WWOX: variants seen among roughly 807,000 people sequenced by gnomAD.
WWOX encodes WW domain containing oxidoreductase, also known as WW domain-containing oxidoreductase.
In WWOX, 69 loss-of-function variants were observed where a neutral mutation model predicts 46.2. The observed-to-expected ratio is 1.49, with a 90% CI of 1.23 to 1.82. The LOEUF is 1.82. WWOX is among the 40% of genes most tolerant of loss of function. WWOX has a pLI of 0.00. For synonymous variants in WWOX, 359 were observed against 202.6 expected, an observed-to-expected ratio of 1.77 and a Z score of -6.56; for missense variants, 919 against 542.6, an observed-to-expected ratio of 1.69 and a Z score of -6.89.
intron 6 of WWOX, among the ~76,000 whole-genome samples, chr16:78,413,582 A>G (rs188837789): frequency 1.3e-3 from 193 of 152,186 alleles, no homozygotes; most frequent in African/African-American, 4.5e-3. Flanking sequence ...CAATGGGGGA[A>G]TGTCATCAGT....
intron 8 of WWOX, among the ~76,000 whole-genome samples, chr16:78,447,993 A>T (rs1005818768): frequency 1.3e-5 from 2 of 152,082 alleles, no homozygotes; most frequent in African/African-American, 4.8e-5. Flanking sequence ...TAGTGGAGAC[A>T]GGGTTTCACC....
At chr16:78,718,450 T>A (rs2048618831) in intron 8 of WWOX, among the ~76,000 whole-genome samples, 1 of 152,220 alleles carries the variant, frequency 6.6e-6, no homozygotes, top group African/African-American at 2.4e-5. Context: ...CCAAACTTTA[T>A]AACTGAATAG....
At chr16:79,198,422 G>A (rs747572704) in intron 8 of WWOX, among the ~76,000 whole-genome samples, 1 of 152,154 alleles carries the variant, frequency 6.6e-6, no homozygotes, top group African/African-American at 2.4e-5. Flanking sequence ...CTCCTTCATG[G>A]GTATGGCTGC....
chr16:78,649,705 GT>G (rs779374926), intron 8 of WWOX, among the ~76,000 whole-genome samples: 3 of 152,176 alleles, frequency 2.0e-5, no homozygotes, highest in Non-Finnish European at 2.9e-5. Flanking sequence ...ATTTGTTACT[GT>G]TGTTATGTTA....
chr16:78,955,156 G>A (rs913618296), intron 8 of WWOX, among the ~76,000 whole-genome samples: 1 of 151,652 alleles, frequency 6.6e-6, no homozygotes, highest in Non-Finnish European at 1.5e-5. Context: ...AAACTTTGCT[G>A]TTAGGGTCAC....
chr16:79,010,154 A>C (rs924558885), intron 8 of WWOX, among the ~76,000 whole-genome samples: 3 of 151,960 alleles, frequency 2.0e-5, no homozygotes, highest in African/African-American at 7.2e-5. Context: ...AAAATAATCC[A>C]CCCATGAAAC....
chr16:78,765,534 C>G (rs1301899264), intron 8 of WWOX, among the ~76,000 whole-genome samples: 4 of 152,040 alleles, frequency 2.6e-5, no homozygotes, highest in Non-Finnish European at 5.9e-5. Flanking sequence ...CAAAAATTAG[C>G]CAGGTGTGAT....
At chr16:78,324,917 G>A (rs1316432547) in intron 5 of WWOX, among the ~76,000 whole-genome samples, 1 of 152,150 alleles carries the variant, frequency 6.6e-6, no homozygotes, top group Non-Finnish European at 1.5e-5. Flanking sequence ...TGAATCGTAT[G>A]GTATGTCAAT....
At chr16:78,461,285 C>A (rs769674080) in intron 8 of WWOX, among the ~76,000 whole-genome samples, 1 of 152,176 alleles carries the variant, frequency 6.6e-6, no homozygotes, top group African/African-American at 2.4e-5. Context: ...TCCCAGCATT[C>A]TGAGTCATCG....
chr16:79,013,245 C>A (rs1019752721), intron 8 of WWOX, among the ~76,000 whole-genome samples: 2 of 152,094 alleles, frequency 1.3e-5, no homozygotes, highest in Non-Finnish European at 2.9e-5. Context: ...CCCACAGGGT[C>A]GAGAGTGAAT....
intron 8 of WWOX, among the ~76,000 whole-genome samples, chr16:78,638,322 T>G (rs182376414): frequency 6.6e-6 from 1 of 152,306 alleles, no homozygotes; most frequent in East Asian, 1.9e-4. Context: ...GAGTCTGTGT[T>G]TGTTCTTTAA....
chr16:78,543,954 A>G (rs2043961224), intron 8 of WWOX, among the ~76,000 whole-genome samples: 1 of 152,166 alleles, frequency 6.6e-6, no homozygotes, highest in Non-Finnish European at 1.5e-5. Flanking sequence ...TCAAAAAAAG[A>G]GGTTATGATT....
At chr16:79,058,743 G>A (rs772693550) in intron 8 of WWOX, among the ~76,000 whole-genome samples, 7 of 152,168 alleles carry the variant, frequency 4.6e-5, no homozygotes, top group Admixed American at 3.9e-4. Context: ...TCCTGGCAAT[G>A]TTTACGATAT....
chr16:78,253,862 G>A (rs753206480), intron 5 of WWOX, among the ~76,000 whole-genome samples: 31 of 152,076 alleles, frequency 2.0e-4, no homozygotes, highest in Non-Finnish European at 3.4e-4. Context: ...GTAAGCTTAC[G>A]TACATGCTTT....
chr16:78,113,421 C>T (rs923277127), intron 3 of WWOX, among the ~76,000 whole-genome samples: 3 of 152,196 alleles, frequency 2.0e-5, no homozygotes, highest in East Asian at 1.9e-4. Context: ...AGCAGCTATA[C>T]ACAATATACA....
intron 8 of WWOX, among the ~76,000 whole-genome samples, chr16:78,837,000 C>T (rs576578263): frequency 9.2e-5 from 14 of 152,212 alleles, no homozygotes; most frequent in Non-Finnish European, 1.9e-4. Context: ...TTCTCTAGAA[C>T]ATAGAAGCCG....
At chr16:78,452,476 T>TC (rs555707119) in intron 8 of WWOX, among the ~76,000 whole-genome samples, 2 of 90,184 alleles carry the variant, frequency 2.2e-5, no homozygotes, top group Admixed American at 1.0e-4. Context: ...TCTCTCTCTC[T>TC]TTTTTTTTTT....
intron 8 of WWOX, among the ~76,000 whole-genome samples, chr16:79,137,421 C>T (rs943436753): frequency 6.6e-6 from 1 of 152,132 alleles, no homozygotes; most frequent in Non-Finnish European, 1.5e-5. Context: ...GAGATGTAAG[C>T]ATTTAGAGAC....
intron 5 of WWOX, among the ~76,000 whole-genome samples, chr16:78,385,440 C>G (rs1043267394): frequency 6.6e-6 from 1 of 152,168 alleles, no homozygotes; most frequent in Non-Finnish European, 1.5e-5. Context: ...CGTTACAAAC[C>G]TATGAGTAGA....
Sources: gnomAD v4.1 joint callset for allele counts (sites outside exome capture counted in the v4.1 genomes callset) on GRCh38, gnomAD v4.1.1 for gene constraint, MANE v1.5 for transcripts, NCBI Gene and HGNC (gene_info 2026-07-23, HGNC 2026-07-21) for gene names.